ADGRB3: variants seen among roughly 807,000 people sequenced by gnomAD.
ADGRB3 encodes brain-specific angiogenesis inhibitor 3.
A neutral mutation model predicts 193.4 loss-of-function variants in ADGRB3; 37 were observed. The observed-to-expected ratio is 0.19, with a 90% CI of 0.15 to 0.25. The LOEUF is 0.25. ADGRB3 is among the 10% of genes least tolerant of loss of function. ADGRB3 has a pLI of 1.00. For synonymous variants in ADGRB3, 690 were observed against 644.2 expected (o/e 1.07, Z -1.08); for missense variants, 1,637 against 1,852.9 (o/e 0.88, Z 2.14).
At chr6:68,778,207 T>C (rs943682282) in intron 3 of ADGRB3, among the ~76,000 whole-genome samples, 4 of 152,104 alleles carry the variant, frequency 2.6e-5, no homozygotes, top group African/African-American at 9.6e-5. Context: ...GATTCTGGAC[T>C]GGATTTCTCC....
chr6:68,879,484 T>C (rs981702197), intron 3 of ADGRB3, among the ~76,000 whole-genome samples: 1 of 152,076 alleles, frequency 6.6e-6, no homozygotes, highest in South Asian at 2.1e-4. Context: ...CACCTCGGCC[T>C]CCCAAAGTGC....
At chr6:68,846,891 G>T (rs525342) in intron 3 of ADGRB3, among the ~76,000 whole-genome samples, 1 of 151,884 alleles carries the variant, frequency 6.6e-6, no homozygotes, top group African/African-American at 2.4e-5. Context: ...TGGTAGATCC[G>T]CTTGCACCAT....
chr6:68,819,330 G>C (rs958003289), intron 3 of ADGRB3, among the ~76,000 whole-genome samples: 1 of 151,844 alleles, frequency 6.6e-6, no homozygotes, highest in African/African-American at 2.4e-5. Context: ...TATTTGGTAT[G>C]TTTTATGGCA....
At chr6:69,301,278 C>G (rs1288841408) in intron 20 of ADGRB3, among the ~76,000 whole-genome samples, 1 of 151,766 alleles carries the variant, frequency 6.6e-6, no homozygotes, top group Non-Finnish European at 1.5e-5. Context: ...CATACAAACA[C>G]AGATTATATT....
intron 3 of ADGRB3, among the ~76,000 whole-genome samples, chr6:68,868,304 G>A (rs572853706): frequency 5.9e-5 from 9 of 152,218 alleles, no homozygotes; most frequent in East Asian, 1.9e-4. Context: ...CTGGTACCAC[G>A]TAAGGTGTGT....
intron 3 of ADGRB3, among the ~76,000 whole-genome samples, chr6:68,874,061 C>G (rs1044986606): frequency 2.5e-4 from 38 of 152,014 alleles, no homozygotes; most frequent in African/African-American, 8.7e-4. Context: ...ACAGTATGTG[C>G]CAACTCTAAA....
chr6:69,030,906 C>T (rs981760830), intron 13 of ADGRB3, among the ~76,000 whole-genome samples: 1 of 136,844 alleles, frequency 7.3e-6, no homozygotes, highest in South Asian at 2.3e-4. Context: ...CGAGTTAACA[C>T]GTAGACTTAG....
chr6:69,145,342 C>T (rs1223040221), intron 17 of ADGRB3, among the ~76,000 whole-genome samples: 2 of 152,148 alleles, frequency 1.3e-5, no homozygotes, highest in African/African-American at 2.4e-5. Flanking sequence ...CAAGGTGTCC[C>T]ACAACAGCTT....
intron 3 of ADGRB3, among the ~76,000 whole-genome samples, chr6:68,707,715 G>A (rs745410246): frequency 1.6e-4 from 25 of 152,214 alleles, no homozygotes; most frequent in Non-Finnish European, 2.5e-4. Flanking sequence ...GGATAAAATT[G>A]AGTGAATTAT....
At position 68,769,469 on chromosome 6, in the gene ADGRB3, A is replaced by G. The variant is rs542368428; in HGVS notation, c.757+130037A>G. 1.5e-3 allele frequency among the ~76,000 whole-genome samples: 231 copies of G among 152,312 alleles called. 1 individual carries two copies. The highest frequency in any genetic ancestry group is 0.013 in the South Asian group (61 of 4,826). ...AACCAAACACCGCTTGTTCTCACTCATAAGTCGGAGTTGAACAATGAGAAC... is the reference window on the plus strand; with the variant it reads ...AACCAAACACCGCTTGTTCTCACTCGTAAGTCGGAGTTGAACAATGAGAAC... On this transcript the variant is annotated intron_variant, in intron 3 of 31. Coordinates refer to ENST00000370598, the MANE Select transcript of ADGRB3 (RefSeq NM_001704.3).
intron 13 of ADGRB3, among the ~76,000 whole-genome samples, chr6:69,020,392 T>A (rs1770228247): frequency 6.6e-6 from 1 of 152,086 alleles, no homozygotes; most frequent in African/African-American, 2.4e-5. Context: ...TGTAAAAATT[T>A]CATAAATGTC....
Position 69,317,229 on chromosome 6 carries a change from G to C in ADGRB3, c.2815-7643G>C, listed in dbSNP as rs1015903477. On this transcript the variant is annotated intron_variant, in intron 20 of 31. Coordinates refer to ENST00000370598, the MANE Select transcript of ADGRB3 (RefSeq NM_001704.3). ...TTTTGAAAGGTAGCCTTCACAGTAC[G>C]TACATCAAAGATGAACCAGTATATG... 2.6e-5 allele frequency among the ~76,000 whole-genome samples: 4 copies of C among 151,558 alleles called. No individual in the cohort carries two copies. The East Asian group carries it at 7.8e-4, about 30-fold the overall frequency.
chr6:68,686,920 T>C (rs1344957823), intron 3 of ADGRB3, among the ~76,000 whole-genome samples: 1 of 152,206 alleles, frequency 6.6e-6, no homozygotes, highest in Non-Finnish European at 1.5e-5. Flanking sequence ...CAAGAAGGTA[T>C]AACCTGACAA....
chr6:68,984,361 A>G (rs1286792442), intron 10 of ADGRB3, among the ~76,000 whole-genome samples: 1 of 152,092 alleles, frequency 6.6e-6, no homozygotes, highest in Non-Finnish European at 1.5e-5. Context: ...GCCATGAGGA[A>G]TAATTTGGGA....
intron 3 of ADGRB3, among the ~76,000 whole-genome samples, chr6:68,676,779 T>G (rs998452677): frequency 1.3e-5 from 2 of 152,214 alleles, no homozygotes; most frequent in African/African-American, 4.8e-5. Context: ...ACAGTTCTTA[T>G]GTGCATATAA....
At chr6:69,223,953 G>T (rs1765954107) in intron 17 of ADGRB3, among the ~76,000 whole-genome samples, 1 of 151,442 alleles carries the variant, frequency 6.6e-6, no homozygotes, top group South Asian at 2.1e-4. Context: ...CATTGCACTT[G>T]GCCTTTTTCT....
chr6:69,004,654 AC>A (rs1442695680), intron 11 of ADGRB3, among the ~76,000 whole-genome samples: 3 of 149,362 alleles, frequency 2.0e-5, no homozygotes, highest in African/African-American at 7.4e-5. Flanking sequence ...ATGAGTGAGA[AC>A]ATGCGGTGTT....
chr6:69,032,030 G>A (rs1243873812), intron 13 of ADGRB3, among the ~76,000 whole-genome samples: 1 of 152,118 alleles, frequency 6.6e-6, no homozygotes, highest in African/African-American at 2.4e-5. Flanking sequence ...TTGCGTAAAG[G>A]GGTTGGTGGT....
At chr6:69,273,128 T>G (rs1330642780) in intron 20 of ADGRB3, among the ~76,000 whole-genome samples, 1 of 152,172 alleles carries the variant, frequency 6.6e-6, no homozygotes, top group Non-Finnish European at 1.5e-5. Flanking sequence ...CTTGAACTCC[T>G]GACCTGAGGT....
Sources: gnomAD v4.1 joint callset for allele counts (sites outside exome capture counted in the v4.1 genomes callset) on GRCh38, gnomAD v4.1.1 for gene constraint, MANE v1.5 for transcripts, NCBI Gene and HGNC (gene_info 2026-07-23, HGNC 2026-07-21) for gene names.